RALYL: variants seen among roughly 807,000 people sequenced by gnomAD.
RALYL encodes the protein RNA-binding Raly-like protein.
A neutral mutation model predicts 35.1 loss-of-function variants in RALYL; 29 were observed. The ratio of observed to expected loss-of-function variants is 0.83; its 90% CI spans 0.61 to 1.13. The LOEUF is 1.13. RALYL is among the 50% of genes most tolerant of loss of function. The probability of loss-of-function intolerance (pLI) is 0.00; values close to 1 mark genes in which losing one functional copy is unlikely to be tolerated. For missense variants in RALYL, 359 were observed against 360.4 expected (o/e 1.00, Z 0.03); for synonymous variants, 120 against 127.6 (o/e 0.94, Z 0.40).
chr8:84,426,438 C>CTGTGTGTGTGTGTG (rs71271987), intron 1 of RALYL, among the ~76,000 whole-genome samples: 2 of 135,996 alleles, frequency 1.5e-5, no homozygotes, highest in Admixed American at 7.5e-5. Context: ...CTCTCTCTCT[C>CTGTGTGTGTGTGTG]TGTGTGTGTG....
chr8:84,467,353 C>T (rs902409581), intron 1 of RALYL, among the ~76,000 whole-genome samples: 32 of 151,602 alleles, frequency 2.1e-4, no homozygotes, highest in South Asian at 6.3e-4. Context: ...TCTTTGTTCT[C>T]GTTGGTTTCA....
intron 1 of RALYL, among the ~76,000 whole-genome samples, chr8:84,481,369 A>T (rs951686970): frequency 3.3e-5 from 5 of 152,116 alleles, no homozygotes; most frequent in African/African-American, 1.2e-4. Context: ...TTGATCTGTT[A>T]CCCAGGCTGG....
intron 1 of RALYL, among the ~76,000 whole-genome samples, chr8:84,306,160 TC>T (rs1841750728): frequency 1.3e-5 from 2 of 148,960 alleles, no homozygotes. Context: ...CGAGACTCCG[TC>T]TAAAAAAAAA....
chr8:84,446,962 A>G (rs2048924226), intron 1 of RALYL, among the ~76,000 whole-genome samples: 1 of 152,118 alleles, frequency 6.6e-6, no homozygotes, highest in South Asian at 2.1e-4. Context: ...TTCACACGCT[A>G]CCGAGCATTT....
chr8:84,480,665 G>A (rs1164429301), intron 1 of RALYL, among the ~76,000 whole-genome samples: 1 of 152,094 alleles, frequency 6.6e-6, no homozygotes, highest in Non-Finnish European at 1.5e-5. Flanking sequence ...GTTCAAGATA[G>A]GGGACTTTTG....
Position 84,718,197 on chromosome 8 carries a change from G to A in RALYL, c.257-56382G>A, listed in dbSNP as rs184009927. 4.4e-3 allele frequency among the ~76,000 whole-genome samples: 666 copies of A among 152,158 alleles called. 2 individuals carry two copies. The highest frequency in any genetic ancestry group is 7.7e-3 in the Admixed American group (118 of 15,270). On this transcript the variant is annotated intron_variant, in intron 2 of 8. Transcript: ENST00000521268. Reference sequence around the variant, plus strand: ...CCAAATTATTAAGATTTTGTTCTACGTATTGAATGAAAGCATATATTCCAT... The same window carrying A: ...CCAAATTATTAAGATTTTGTTCTACATATTGAATGAAAGCATATATTCCAT...
At chr8:84,333,805 T>G (rs1035238398) in intron 1 of RALYL, among the ~76,000 whole-genome samples, 3 of 152,174 alleles carry the variant, frequency 2.0e-5, no homozygotes, top group African/African-American at 4.8e-5. Context: ...AGTATATACC[T>G]CAATAGTAAA....
At chr8:84,355,023 A>C (rs528445793) in intron 1 of RALYL, among the ~76,000 whole-genome samples, 6 of 150,516 alleles carry the variant, frequency 4.0e-5, no homozygotes, top group Non-Finnish European at 7.4e-5. Flanking sequence ...AATCACAGTA[A>C]TAATTTACTT....
At chr8:84,825,681 A>G (rs948630891) in intron 4 of RALYL, among the ~76,000 whole-genome samples, 4 of 151,996 alleles carry the variant, frequency 2.6e-5, no homozygotes, top group Admixed American at 2.0e-4. Flanking sequence ...CAGCCTGGCT[A>G]ACATGGTGAA....
intron 2 of RALYL, among the ~76,000 whole-genome samples, chr8:84,743,438 CAA>C (rs879874430): frequency 3.5e-5 from 5 of 143,532 alleles, no homozygotes; most frequent in Admixed American, 2.8e-4. Context: ...TCACCACCAA[CAA>C]AAAAAAAAAG....
At chr8:84,515,520 A>G (rs1235259084) in intron 1 of RALYL, among the ~76,000 whole-genome samples, 1 of 152,122 alleles carries the variant, frequency 6.6e-6, no homozygotes, top group African/African-American at 2.4e-5. Context: ...AGTCAAAACT[A>G]TTTTTTACAT....
At chr8:84,473,469 A>G (rs1468439327) in intron 1 of RALYL, among the ~76,000 whole-genome samples, 3 of 151,912 alleles carry the variant, frequency 2.0e-5, no homozygotes, top group Admixed American at 2.0e-4. Flanking sequence ...TATTTGATAT[A>G]GAATAATCAA....
chr8:84,876,456 A>ATGAT (rs1301340701), intron 7 of RALYL, among the ~76,000 whole-genome samples: 5 of 152,206 alleles, frequency 3.3e-5, no homozygotes, highest in African/African-American at 1.2e-4. Flanking sequence ...TCATTGTTAG[A>ATGAT]TGATTCTTTT....
chr8:84,261,107 G>GT (rs1424966634), intron 1 of RALYL, among the ~76,000 whole-genome samples: 68,875 of 148,434 alleles, frequency 0.46, 16,078 homozygotes, highest in South Asian at 0.62. Context: ...TTATTTACAG[G>GT]TTTTTTTTTT....
chr8:84,619,285 G>T (rs2131027466), intron 2 of RALYL, among the ~76,000 whole-genome samples: 1 of 151,804 alleles, frequency 6.6e-6, no homozygotes, highest in South Asian at 2.1e-4. Flanking sequence ...CTCCGTGTTG[G>T]GTGCATATAT....
At chr8:84,237,993 A>G (rs1007041028) in intron 1 of RALYL, among the ~76,000 whole-genome samples, 2 of 136,708 alleles carry the variant, frequency 1.5e-5, no homozygotes, top group Non-Finnish European at 3.2e-5. Flanking sequence ...AGAAGAAAAA[A>G]GTGCAAAAAC....
At chr8:84,377,852 A>G (rs752379325) in intron 1 of RALYL, among the ~76,000 whole-genome samples, 11 of 151,904 alleles carry the variant, frequency 7.2e-5, no homozygotes, top group Admixed American at 1.3e-4. Flanking sequence ...CAAAGTTTTC[A>G]AGATACAAAT....
chr8:84,438,246 G>A (rs1200784429), intron 1 of RALYL, among the ~76,000 whole-genome samples: 2 of 152,050 alleles, frequency 1.3e-5, no homozygotes, highest in African/African-American at 4.8e-5. Context: ...CCTGTGCAGA[G>A]GCTCTTTAGT....
intron 5 of RALYL, among the ~76,000 whole-genome samples, chr8:84,851,341 G>T (rs1244932215): frequency 6.6e-6 from 1 of 152,086 alleles, no homozygotes; most frequent in Non-Finnish European, 1.5e-5. Context: ...GCAAAGTTTG[G>T]ACTTTATTAA....
Sources: gnomAD v4.1 joint callset for allele counts (sites outside exome capture counted in the v4.1 genomes callset) on GRCh38, gnomAD v4.1.1 for gene constraint, MANE v1.5 for transcripts, NCBI Gene and HGNC (gene_info 2026-07-23, HGNC 2026-07-21) for gene names.